Variants in PTPRT observed in about 807,000 individuals in gnomAD.
PTPRT encodes receptor-type tyrosine-protein phosphatase T.
PTPRT carries 56 observed loss-of-function variants against 176.8 expected under a neutral mutation model. That is an observed-to-expected ratio of 0.32 (90% CI 0.26 to 0.40). The LOEUF is 0.40. PTPRT is among the 10% of genes least tolerant of loss of function. PTPRT has a pLI of 1.00. For missense variants in PTPRT, 1,540 were observed against 1,908.2 expected (o/e 0.81, Z 3.60); for synonymous variants, 783 against 739.0 (o/e 1.06, Z -0.96).
intron 1 of PTPRT, among the ~76,000 whole-genome samples, chr20:43,099,816 T>A (rs1376033306): frequency 1.3e-5 from 2 of 152,198 alleles, no homozygotes; most frequent in African/African-American, 4.8e-5. Context: ...CCTCTCTGTA[T>A]CCCTGTAACC....
chr20:43,163,014 C>A (rs1459783029), intron 1 of PTPRT, among the ~76,000 whole-genome samples: 1 of 152,188 alleles, frequency 6.6e-6, no homozygotes, highest in African/African-American at 2.4e-5. Context: ...GCTGGTGAAT[C>A]CACAGTGACC....
At position 42,412,748 on chromosome 20, in the gene PTPRT, G is replaced by A. The variant is rs117812980; in HGVS notation, c.1560+35472C>T. Among the ~76,000 whole-genome samples, 95 of 152,202 alleles carry A rather than the reference G, an allele frequency of 6.2e-4. 4 individuals carry two copies. In the East Asian group the frequency reaches 0.017, roughly 27 times the overall value. ...AAGTACTAATACATGCAGTAGCGTG[G>A]CTAAACCTTGACAGCAAGATGCCTC... On this transcript the variant is annotated intron_variant, in intron 9 of 30. Coordinates refer to ENST00000373187, the MANE Select transcript of PTPRT (RefSeq NM_007050.6).
intron 17 of PTPRT, among the ~76,000 whole-genome samples, chr20:42,143,294 G>GC (rs1988712059): frequency 6.6e-6 from 1 of 152,246 alleles, no homozygotes; most frequent in African/African-American, 2.4e-5. Flanking sequence ...GATGGCTCAA[G>GC]CCTGTAATCC....
intron 1 of PTPRT, among the ~76,000 whole-genome samples, chr20:43,013,500 A>C (rs1314091907): frequency 6.6e-6 from 1 of 152,226 alleles, no homozygotes; most frequent in African/African-American, 2.4e-5. Flanking sequence ...GGGAAATAAA[A>C]GAACAAACAG....
chr20:42,686,457 C>CTT (rs71193668), intron 6 of PTPRT: 4 of 78,378 alleles, frequency 5.1e-5, no homozygotes, highest in Non-Finnish European at 9.3e-5. Flanking sequence ...ATAGTGCACT[C>CTT]TTTTTTTTTT....
chr20:42,537,982 G>C (rs1012287116), intron 7 of PTPRT, among the ~76,000 whole-genome samples: 6 of 152,238 alleles, frequency 3.9e-5, no homozygotes, highest in Admixed American at 2.0e-4. Flanking sequence ...AATGAAGATA[G>C]TTATTGAGTA....
At chr20:42,524,335 G>T (rs761412835) in intron 7 of PTPRT, among the ~76,000 whole-genome samples, 14 of 152,110 alleles carry the variant, frequency 9.2e-5, no homozygotes, top group Non-Finnish European at 2.1e-4. Context: ...TTTCCTATGA[G>T]ATTTTATTGG....
chr20:42,441,142 T>G (rs2059312549), intron 9 of PTPRT, among the ~76,000 whole-genome samples: 1 of 152,150 alleles, frequency 6.6e-6, no homozygotes, highest in African/African-American at 2.4e-5. Flanking sequence ...AGGGTTCAAG[T>G]CTGTTGCGGG....
intron 9 of PTPRT, among the ~76,000 whole-genome samples, chr20:42,388,812 A>G (rs2058770107): frequency 6.6e-6 from 1 of 152,220 alleles, no homozygotes; most frequent in African/African-American, 2.4e-5. Context: ...GCTGCTATAA[A>G]GACGCATGCA....
chr20:43,154,191 T>C (rs574612383), intron 1 of PTPRT, among the ~76,000 whole-genome samples: 2 of 152,366 alleles, frequency 1.3e-5, no homozygotes, highest in East Asian at 3.9e-4. Context: ...TCAGTTGATT[T>C]TTGTACACGG....
chr20:42,179,284 A>T (rs1990419366), intron 16 of PTPRT, among the ~76,000 whole-genome samples: 1 of 152,210 alleles, frequency 6.6e-6, no homozygotes, highest in African/African-American at 2.4e-5. Context: ...CAAGGCATTC[A>T]CTTAATAAAA....
chr20:42,727,606 A>G (rs74423098), intron 6 of PTPRT, among the ~76,000 whole-genome samples: 217 of 152,254 alleles, frequency 1.4e-3, no homozygotes, highest in Non-Finnish European at 2.9e-3. Flanking sequence ...AGGAAAGCAA[A>G]TGGAAGAACA....
chr20:42,530,494 C>T (rs1028984152), intron 7 of PTPRT, among the ~76,000 whole-genome samples: 46 of 152,188 alleles, frequency 3.0e-4, no homozygotes, highest in Admixed American at 2.6e-3. Flanking sequence ...AAACAGTTAG[C>T]TTAGCCTGAA....
chr20:42,044,097 A>G, the PTPRT span, among the ~76,000 whole-genome samples: 1 of 152,232 alleles, frequency 6.6e-6, no homozygotes, highest in African/African-American at 2.4e-5. Context: ...AGGAAGTCAC[A>G]GTCAAATGAG....
At chr20:42,404,016 T>C (rs2145713952) in intron 9 of PTPRT, among the ~76,000 whole-genome samples, 1 of 152,244 alleles carries the variant, frequency 6.6e-6, no homozygotes, top group East Asian at 1.9e-4. Flanking sequence ...GATCTCCAGA[T>C]CAACAGAAGC....
intron 1 of PTPRT, among the ~76,000 whole-genome samples, chr20:43,135,075 C>G (rs1236772140): frequency 6.6e-6 from 1 of 152,180 alleles, no homozygotes; most frequent in Non-Finnish European, 1.5e-5. Flanking sequence ...AGTTGAGAAC[C>G]ACTGAGTTAG....
In PTPRT at chr20:42,352,120, G is replaced by T. The variant is rs771173099; in HGVS notation, c.1726C>A (p.Pro576Thr). The T allele has an allele frequency of 1.2e-6, 2 of 1,613,956 alleles. No individual in the cohort carries two copies. Among genetic ancestry groups the T allele is most frequent in the East Asian group, 2.2e-5 (1 of 44,886 alleles). ...GTGGCAATCCGAGTGGTGACAGGGG[G>T]CCCAAAGCCCTTTGCTGTGCTGGCC... ...IKASTAKGFGPPVTTRIATKI... is the reference protein window; with the variant it reads ...IKASTAKGFGTPVTTRIATKI... Residue 576 changes from proline (P) to threonine (T), a missense_variant, in exon 10 of 31, where the codon CCC (proline) becomes ACC (threonine). Pro to Thr is a conservative substitution (Grantham distance 38). This residue lies in a region of PTPRT where 136 missense variants were observed against 135.0 expected (regional missense o/e 1.01). Coordinates refer to ENST00000373187, the MANE Select transcript of PTPRT (RefSeq NM_007050.6).
At chr20:42,569,593 C>A (rs1381503745) in intron 7 of PTPRT, among the ~76,000 whole-genome samples, 1 of 152,130 alleles carries the variant, frequency 6.6e-6, no homozygotes, top group Non-Finnish European at 1.5e-5. Context: ...ACCAGCCTCA[C>A]CCTCACCAGT....
At chr20:42,057,949 A>G in the PTPRT span, among the ~76,000 whole-genome samples, 1 of 152,174 alleles carries the variant, frequency 6.6e-6, no homozygotes, top group Admixed American at 6.5e-5. Flanking sequence ...ACATCAAACA[A>G]TTAGGGAAAG....
Sources: gnomAD v4.1 joint callset for allele counts (sites outside exome capture counted in the v4.1 genomes callset) on GRCh38, gnomAD v4.1.1 for gene constraint, gnomAD v4.1.1 regional missense constraint, MANE v1.5 for transcripts, NCBI Gene and HGNC (gene_info 2026-07-23, HGNC 2026-07-21) for gene names.